EZH1: variants seen among roughly 807,000 people sequenced by gnomAD.
EZH1 encodes enhancer of zeste 1 polycomb repressive complex 2 subunit.
A neutral mutation model predicts 100.5 loss-of-function variants in EZH1; 33 were observed. That is an observed-to-expected ratio of 0.33 (90% CI 0.25 to 0.44). The LOEUF (loss-of-function observed/expected upper bound fraction) is 0.44, where lower values mean the gene tolerates loss of function less well. EZH1 is among the 20% of genes least tolerant of loss of function. The pLI, the probability that EZH1 is intolerant of heterozygous loss-of-function variation, is 1.00. For missense variants in EZH1, 475 were observed against 928.4 expected, an observed-to-expected ratio of 0.51 and a Z score of 6.35; for synonymous variants, 272 against 313.8, an observed-to-expected ratio of 0.87 and a Z score of 1.41.
chr17:42,718,628 A>G lies in EZH1; in HGVS notation c.768-11T>C, dbSNP rs2053649885. The G allele has an allele frequency of 6.2e-7, 1 of 1,613,918 alleles. No homozygotes were observed. The highest frequency in any genetic ancestry group is 2.2e-5 in the East Asian group (1 of 44,880). On this transcript the variant is annotated splice_polypyrimidine_tract_variant and intron_variant, in intron 8 of 20. Coordinates refer to ENST00000428826, the MANE Select transcript of EZH1 (RefSeq NM_001991.5). The surrounding 1 kb of genome is among the most constrained non-coding windows in gnomAD (Gnocchi z 4.2). ...GTTAGTTCTCGATACCTATTTAAGA[A>G]AAGAGAGATAAGAGTTCCTCCGAGG...
chr17:42,703,561 G>A lies in EZH1; in HGVS notation c.2098+179C>T, dbSNP rs112270286. 4.0e-5 allele frequency: 24 copies of A among 595,922 alleles called. 2 individuals carry two copies. Among genetic ancestry groups the A allele is most frequent in the Middle Eastern group, 2.6e-4 (1 of 3,816 alleles). The allele number at this position is 595,922 out of a possible 1,614,324, so 36.9% of individuals were successfully genotyped here. On this transcript the variant is annotated intron_variant, in intron 19 of 20. Coordinates refer to ENST00000428826, the MANE Select transcript of EZH1 (RefSeq NM_001991.5). The stretch of plus-strand genomic sequence containing the variant: ...GTGGGAAAGTGTTTATAATGTATTC[G>A]CTGAAAAAAGCAGATTAGAAAACTA...
At chr17:42,741,363 G>A (rs2054172610) in intron 1 of EZH1, among the ~76,000 whole-genome samples, 1 of 152,154 alleles carries the variant, frequency 6.6e-6, no homozygotes, top group South Asian at 2.1e-4. Flanking sequence ...GGGATGACAG[G>A]TGTGGGATGC....
chr17:42,714,556 T>A, intron 10 of EZH1: 1 of 288,694 alleles, frequency 3.5e-6, no homozygotes, highest in South Asian at 4.0e-5. Flanking sequence ...CTGAATGTAT[T>A]GGTGCAGGAG....
intron 3 of EZH1, among the ~76,000 whole-genome samples, chr17:42,728,085 G>A (rs533469880): frequency 3.4e-5 from 5 of 146,890 alleles, no homozygotes; most frequent in South Asian, 2.2e-4. Context: ...CCAAAGTGCT[G>A]GAATTACAGG....
At chr17:42,743,635 AT>A (rs199593837) in intron 1 of EZH1, among the ~76,000 whole-genome samples, 21 of 143,472 alleles carry the variant, frequency 1.5e-4, no homozygotes, top group African/African-American at 3.6e-4. Context: ...ACATCTGGCT[AT>A]TTTTTTTTTG....
At chr17:42,704,156 A>G (rs751131254) in intron 18 of EZH1, among the ~76,000 whole-genome samples, 2 of 152,160 alleles carry the variant, frequency 1.3e-5, no homozygotes, top group Non-Finnish European at 2.9e-5. Flanking sequence ...GGGATCCCCA[A>G]GTGTGATCCT....
intron 1 of EZH1, among the ~76,000 whole-genome samples, chr17:42,731,523 A>G (rs72826970): frequency 0.03 from 4,524 of 152,232 alleles, 97 homozygotes; most frequent in Non-Finnish European, 0.046. Flanking sequence ...TAAAATCCAC[A>G]AGATGATGCT....
At chr17:42,709,707 G>T in intron 13 of EZH1, 139 bp downstream of exon 13, 1 of 712,266 alleles carries the variant, frequency 1.4e-6, no homozygotes, top group Non-Finnish European at 2.4e-6. Context: ...CTGGCTCTCA[G>T]TCATGTGATG....
At chr17:42,739,336 G>A (rs949347035) in intron 1 of EZH1, among the ~76,000 whole-genome samples, 1 of 152,116 alleles carries the variant, frequency 6.6e-6, no homozygotes, top group African/African-American at 2.4e-5. Context: ...GAGCTTCTGG[G>A]CACTACACAC....
intron 7 of EZH1, among the ~76,000 whole-genome samples, chr17:42,719,797 G>C (rs2053672220): frequency 6.6e-6 from 1 of 152,046 alleles, no homozygotes; most frequent in Non-Finnish European, 1.5e-5. Flanking sequence ...TGAAAAGAGT[G>C]TTCATAGAGA....
At chr17:42,725,802 A>G (rs934463171) in intron 4 of EZH1, among the ~76,000 whole-genome samples, 4 of 152,250 alleles carry the variant, frequency 2.6e-5, no homozygotes, top group Non-Finnish European at 4.4e-5. Flanking sequence ...GGGATAGTAC[A>G]TGGAGAAGCA....
intron 5 of EZH1, among the ~76,000 whole-genome samples, chr17:42,723,434 A>G (rs1417795062): frequency 6.6e-6 from 1 of 152,136 alleles, no homozygotes; most frequent in Non-Finnish European, 1.5e-5. Flanking sequence ...GAAGGCTTCT[A>G]AGATTATGAT....
chr17:42,741,035 T>G (rs2054166161), intron 1 of EZH1, among the ~76,000 whole-genome samples: 1 of 152,244 alleles, frequency 6.6e-6, no homozygotes, highest in Non-Finnish European at 1.5e-5. Flanking sequence ...ACAATTTTTC[T>G]TTTTTTAACC....
chr17:42,727,838 G>C (rs566015367), intron 3 of EZH1, 75 bp from the exon 4 acceptor site: 1 of 1,107,782 alleles, frequency 9.0e-7, no homozygotes, highest in Non-Finnish European at 1.2e-6. Context: ...TTTTGAGATG[G>C]AGTCTTGCTC....
At chr17:42,720,191 T>C (rs1448253103) in intron 7 of EZH1, 82 bp downstream of exon 7, 7 of 1,455,832 alleles carry the variant, frequency 4.8e-6, no homozygotes, top group East Asian at 2.3e-5. Context: ...CAGCCTTTAA[T>C]AGGCAACAAA....
rs574043048 is a variant in EZH1 at position 42,715,644 on chromosome 17, G to GA, written c.1024-2256dup. On this transcript the variant is annotated intron_variant, in intron 10 of 20. Coordinates refer to ENST00000428826, the MANE Select transcript of EZH1 (RefSeq NM_001991.5). ...CAGAAGAACACAGAAATGACACTGT[G>GA]AAAAAACAACAGATGAATCCAGGAT... Among the ~76,000 whole-genome samples the GA allele has an allele frequency of 3.0e-4, 46 of 152,180 alleles. No homozygotes were observed. In the East Asian group the frequency reaches 8.7e-3, roughly 29 times the overall value.
chr17:42,741,747 G>C (rs2054179711), intron 1 of EZH1, among the ~76,000 whole-genome samples: 1 of 151,940 alleles, frequency 6.6e-6, no homozygotes, highest in Admixed American at 6.6e-5. Flanking sequence ...GGAATGCAGT[G>C]GCTTGATCTC....
intron 1 of EZH1, among the ~76,000 whole-genome samples, chr17:42,733,871 G>A (rs930156390): frequency 6.7e-5 from 10 of 148,946 alleles, no homozygotes; most frequent in African/African-American, 2.5e-4. Context: ...AACACAGGAG[G>A]TGGAGGTTGC....
intron 4 of EZH1, among the ~76,000 whole-genome samples, chr17:42,726,804 G>A (rs559268600): frequency 8.6e-5 from 13 of 151,806 alleles, no homozygotes; most frequent in Admixed American, 3.3e-4. Flanking sequence ...GTGAGCCACC[G>A]CGTCCAGCCA....
Sources: gnomAD v4.1 joint callset for allele counts (sites outside exome capture counted in the v4.1 genomes callset) on GRCh38, gnomAD v4.1.1 for gene constraint, Gnocchi (gnomAD v3.1) non-coding constraint, MANE v1.5 for transcripts, NCBI Gene and HGNC (gene_info 2026-07-23, HGNC 2026-07-21) for gene names.